TSPAN9: variants seen among roughly 807,000 people sequenced by gnomAD.
The protein encoded by TSPAN9 is tetraspanin-9.
TSPAN9 carries 16 observed loss-of-function variants against 31.0 expected under a neutral mutation model. The ratio of observed to expected loss-of-function variants is 0.52; its 90% CI spans 0.35 to 0.78. The LOEUF (loss-of-function observed/expected upper bound fraction) is 0.78. Ranked by LOEUF, TSPAN9 falls within the 30% of genes least tolerant of loss-of-function variation. TSPAN9 has a pLI of 0.01. For synonymous variants in TSPAN9, 145 were observed against 121.6 expected (o/e 1.19, Z -1.27); for missense variants, 272 against 312.5 (o/e 0.87, Z 0.98).
intron 2 of TSPAN9, among the ~76,000 whole-genome samples, chr12:3,153,048 C>T (rs577142495): frequency 2.5e-4 from 38 of 152,292 alleles, no homozygotes; most frequent in African/African-American, 7.9e-4. Context: ...GGTGCGTGCA[C>T]GCCTGCGCGT....
In TSPAN9 at chr12:3,281,809, A is replaced by G; in HGVS notation, c.640A>G (p.Ile214Val). ...VLGTVGMCIL[I>V]MQILGMAFSM... is the part of the protein sequence containing the mutation. The stretch of plus-strand genomic sequence containing the variant: ...GGGCACGGTGGGGATGTGCATCCTC[A>G]TCATGCAGGTAAGAGGGGCGTCCCC... Residue 214 changes from isoleucine (I) to valine (V), a missense_variant, in exon 8 of 9, where the codon ATC (isoleucine) becomes GTC (valine). Physicochemically the swap from Ile to Val is conservative, Grantham distance 29 (BLOSUM62 3). Transcript: ENST00000011898. 9 of 1,614,132 alleles carry G rather than the reference A, an allele frequency of 5.6e-6. No individual in the cohort carries two copies. Among genetic ancestry groups the G allele is most frequent in the Non-Finnish European group, 6.8e-6 (8 of 1,180,008 alleles).
At chr12:3,240,054 G>C (rs1268367380) in intron 3 of TSPAN9, among the ~76,000 whole-genome samples, 1 of 151,714 alleles carries the variant, frequency 6.6e-6, no homozygotes, top group Non-Finnish European at 1.5e-5. Flanking sequence ...TTTTATTGTG[G>C]AAAATCTTAA....
At chr12:3,137,622 A>G (rs971237604) in intron 2 of TSPAN9, among the ~76,000 whole-genome samples, 5 of 151,988 alleles carry the variant, frequency 3.3e-5, no homozygotes, top group African/African-American at 7.3e-5. Context: ...CCAGGCTCCA[A>G]CATCCTGCTT....
At chr12:3,195,576 C>T (rs2098366653) in intron 2 of TSPAN9, among the ~76,000 whole-genome samples, 1 of 152,188 alleles carries the variant, frequency 6.6e-6, no homozygotes, top group South Asian at 2.1e-4. Flanking sequence ...CTCACAGCAC[C>T]ATTTCTATCT....
chr12:3,149,303 T>C (rs1473382601), intron 2 of TSPAN9, among the ~76,000 whole-genome samples: 3 of 152,138 alleles, frequency 2.0e-5, no homozygotes, highest in Non-Finnish European at 2.9e-5. Flanking sequence ...GCTGTAAGGA[T>C]GGGTGTATTT....
intron 3 of TSPAN9, among the ~76,000 whole-genome samples, chr12:3,241,109 C>T (rs998570693): frequency 6.6e-6 from 1 of 152,124 alleles, no homozygotes; most frequent in Non-Finnish European, 1.5e-5. Flanking sequence ...TCCTCTGGCC[C>T]GTAACTGCAG....
At position 3,280,284 on chromosome 12, in the gene TSPAN9, C is replaced by T. The variant is rs1270201538; in HGVS notation, c.331-98C>T. ...GCTGCCTTCCCTGCCTTCCTCACTC[C>T]TCATCTGTCACCCACCATCCTGGGT... On this transcript the variant is annotated intron_variant, in intron 5 of 8. Transcript: ENST00000011898. This position sits in a 1 kb window ranked among gnomAD's most constrained non-coding sequence, Gnocchi z 4.5. The T allele has an allele frequency of 1.1e-5, 12 of 1,111,556 alleles. No individual in the cohort carries two copies. Among genetic ancestry groups the T allele is most frequent in the South Asian group, 2.7e-5 (2 of 75,210 alleles). 68.9% of individuals were successfully genotyped at this position (1,111,556 alleles called of 1,614,324 possible).
chr12:3,190,200 A>G (rs6489444), intron 2 of TSPAN9, among the ~76,000 whole-genome samples: 150,704 of 152,306 alleles, frequency 0.99, 74,589 homozygotes, highest in Middle Eastern at 1. Context: ...CCAGCTGCAC[A>G]GTCAGGCTGG....
At chr12:3,099,340 G>T (rs1167204105) in intron 2 of TSPAN9, among the ~76,000 whole-genome samples, 1 of 152,078 alleles carries the variant, frequency 6.6e-6, no homozygotes, top group Admixed American at 6.5e-5. Context: ...TTTCATTTCT[G>T]ACATTGTATT....
At chr12:3,235,317 C>T (rs1363239866) in intron 3 of TSPAN9, among the ~76,000 whole-genome samples, 5 of 121,382 alleles carry the variant, frequency 4.1e-5, no homozygotes, top group Non-Finnish European at 1.6e-5. Context: ...AATGAGTGAA[C>T]GAGAGCACAG....
intron 2 of TSPAN9, among the ~76,000 whole-genome samples, chr12:3,191,199 G>T (rs758618): frequency 0.99 from 150,609 of 152,210 alleles, 74,542 homozygotes; most frequent in Middle Eastern, 1. Context: ...GTATAGGAGA[G>T]GGAGTTGCTG....
rs1180641993 is a variant in TSPAN9 at position 3,170,999 on chromosome 12, C to CT, written c.-17-30178_-17-30177insT. Among the ~76,000 whole-genome samples the CT allele has an allele frequency of 1.3e-5, 2 of 152,298 alleles. No homozygotes were observed. The highest frequency in any genetic ancestry group is 3.9e-4 in the East Asian group (2 of 5,178). On this transcript the variant is annotated intron_variant, in intron 2 of 8. Coordinates refer to ENST00000011898, the MANE Select transcript of TSPAN9 (RefSeq NM_006675.5). The surrounding 1 kb of genome is among the most constrained non-coding windows in gnomAD (Gnocchi z 4.4). ...CTCCTGTGTTCCTTTGTAGATCAAC[C>CT]AGGATTCTTCCTCCTTTTGCTGCTT...
Position 3,228,395 on chromosome 12 carries a change from A to T in TSPAN9, c.63+27139A>T, listed in dbSNP as rs151253415. The stretch of plus-strand genomic sequence containing the variant: ...AAAGAAATAAATAAGCTCTCCTCAC[A>T]TCCTGCTTTTCAGTCCCCATTTCAC... On this transcript the variant is annotated intron_variant, in intron 3 of 8. Transcript: ENST00000011898. Among the ~76,000 whole-genome samples the T allele has an allele frequency of 9.9e-3, 1,515 of 152,274 alleles. 11 individuals are homozygous for T. The highest frequency in any genetic ancestry group is 0.044 in the Middle Eastern group (13 of 294).
chr12:3,157,237 C>G (rs1337150681), intron 2 of TSPAN9, among the ~76,000 whole-genome samples: 1 of 152,056 alleles, frequency 6.6e-6, no homozygotes, highest in Non-Finnish European at 1.5e-5. Context: ...GTAGCTGGGA[C>G]TACGGGTGCC....
chr12:3,270,190 T>C (rs1332806856), intron 3 of TSPAN9, among the ~76,000 whole-genome samples: 1 of 152,098 alleles, frequency 6.6e-6, no homozygotes, highest in Non-Finnish European at 1.5e-5. Flanking sequence ...TGTGGGTCAG[T>C]TTGAGAAGTA....
At chr12:3,125,290 T>A (rs900354189) in intron 2 of TSPAN9, among the ~76,000 whole-genome samples, 2 of 152,194 alleles carry the variant, frequency 1.3e-5, no homozygotes, top group African/African-American at 4.8e-5. Context: ...AGTGCTTTGG[T>A]GTCTCAGAGG....
rs1034792563 is a variant in TSPAN9, at chr12:3,160,382, T to A, written c.-17-40795T>A. On this transcript the variant is annotated intron_variant, in intron 2 of 8. Coordinates refer to ENST00000011898, the MANE Select transcript of TSPAN9 (RefSeq NM_006675.5). ...ATTTGGGTTGTTTCAGTTTTTTGGCTATTTTGAATAATGCTGCAATGAACA... is the reference window on the plus strand; with the variant it reads ...ATTTGGGTTGTTTCAGTTTTTTGGCAATTTTGAATAATGCTGCAATGAACA... Among the ~76,000 whole-genome samples the A allele has an allele frequency of 3.9e-5, 6 of 152,376 alleles. No individual in the cohort carries two copies. The East Asian group carries it at 9.6e-4, about 24-fold the overall frequency.
chr12:3,171,217 G>T (rs2098351664), intron 2 of TSPAN9, among the ~76,000 whole-genome samples: 2 of 151,974 alleles, frequency 1.3e-5, no homozygotes, highest in Non-Finnish European at 2.9e-5. Context: ...CGTAGCATAT[G>T]ATATATATAT....
intron 3 of TSPAN9, among the ~76,000 whole-genome samples, chr12:3,268,934 T>C (rs1862607694): frequency 9.1e-6 from 1 of 109,738 alleles, no homozygotes. Context: ...TCCTGCAGCC[T>C]GCCCTCTCTG....
Sources: gnomAD v4.1 joint callset for allele counts (sites outside exome capture counted in the v4.1 genomes callset) on GRCh38, gnomAD v4.1.1 for gene constraint, Gnocchi (gnomAD v3.1) non-coding constraint, MANE v1.5 for transcripts, NCBI Gene and HGNC (gene_info 2026-07-23, HGNC 2026-07-21) for gene names.